EXOC4: variants seen among roughly 807,000 people sequenced by gnomAD.
EXOC4 encodes the protein SEC8-like 1.
A neutral mutation model predicts 107.2 loss-of-function variants in EXOC4; 71 were observed. The ratio of observed to expected loss-of-function variants is 0.66; its 90% CI spans 0.55 to 0.81. The LOEUF (loss-of-function observed/expected upper bound fraction) is 0.81, where lower values mean the gene tolerates loss of function less well. EXOC4 is among the 30% of genes least tolerant of loss of function. The pLI is 0.00. For synonymous variants in EXOC4, 456 were observed against 441.2 expected (o/e 1.03, Z -0.42); for missense variants, 1,108 against 1,189.6 (o/e 0.93, Z 1.01).
intron 11 of EXOC4, among the ~76,000 whole-genome samples, chr7:133,865,799 A>T (rs1234555434): frequency 6.6e-6 from 1 of 152,200 alleles, no homozygotes; most frequent in African/African-American, 2.4e-5. Context: ...TCACGAGAAC[A>T]TCAAGGGGGA....
rs1018465869 is a variant in EXOC4 at position 133,356,722 on chromosome 7, T to A, written c.1007+149T>A. On this transcript the variant is annotated intron_variant, in intron 6 of 17. Coordinates refer to ENST00000253861, the MANE Select transcript of EXOC4 (RefSeq NM_021807.4). ...CAGGCCAGGCGCAGTGGCTCACGCCTGTTATCCCAGCACTTTGGGAGGCTG... is the reference window on the plus strand; with the variant it reads ...CAGGCCAGGCGCAGTGGCTCACGCCAGTTATCCCAGCACTTTGGGAGGCTG... 4 of 917,518 alleles carry A rather than the reference T, an allele frequency of 4.4e-6. No homozygotes were observed. In the African/African-American group the frequency reaches 6.7e-5, roughly 15 times the overall value. The allele number at this position is 917,518 out of a possible 1,614,324, so 56.8% of individuals were successfully genotyped here.
At chr7:133,423,817 A>G (rs1269416379) in intron 7 of EXOC4, among the ~76,000 whole-genome samples, 1 of 151,996 alleles carries the variant, frequency 6.6e-6, no homozygotes, top group East Asian at 1.9e-4. Context: ...GGTGGGCACG[A>G]GCTCGGAGGG....
chr7:133,376,597 G>T (rs188089226), intron 7 of EXOC4, among the ~76,000 whole-genome samples: 29 of 152,252 alleles, frequency 1.9e-4, no homozygotes, highest in Non-Finnish European at 3.2e-4. Flanking sequence ...CAAACTATTA[G>T]CCCTTTGGTC....
At chr7:133,466,805 A>G (rs1256639829) in intron 7 of EXOC4, among the ~76,000 whole-genome samples, 3 of 152,218 alleles carry the variant, frequency 2.0e-5, no homozygotes, top group African/African-American at 7.2e-5. Flanking sequence ...TATAAACTGT[A>G]TTATACCATG....
chr7:133,624,086 C>G (rs1802395988), intron 9 of EXOC4, among the ~76,000 whole-genome samples: 1 of 152,022 alleles, frequency 6.6e-6, no homozygotes, highest in African/African-American at 2.4e-5. Flanking sequence ...AGTTATGAAG[C>G]AAAATATTTG....
intron 11 of EXOC4, among the ~76,000 whole-genome samples, chr7:133,846,855 C>T (rs918316675): frequency 6.6e-6 from 1 of 152,248 alleles, no homozygotes; most frequent in Non-Finnish European, 1.5e-5. Flanking sequence ...TGAGGTTTCA[C>T]ATGGGGCTTG....
intron 7 of EXOC4, among the ~76,000 whole-genome samples, chr7:133,451,532 CTGAATGA>C (rs1279788701): frequency 6.6e-6 from 1 of 151,708 alleles, no homozygotes; most frequent in Non-Finnish European, 1.5e-5. Flanking sequence ...TCTTGTATTC[CTGAATGA>C]ATTTTTTTCT....
At chr7:133,278,945 A>G (rs1250327706) in intron 2 of EXOC4, among the ~76,000 whole-genome samples, 5 of 151,954 alleles carry the variant, frequency 3.3e-5, no homozygotes, top group Non-Finnish European at 5.9e-5. Flanking sequence ...CATTAGGTAT[A>G]TATCCTAATG....
At chr7:133,545,451 G>C (rs970655825) in intron 9 of EXOC4, among the ~76,000 whole-genome samples, 1 of 152,130 alleles carries the variant, frequency 6.6e-6, no homozygotes, top group African/African-American at 2.4e-5. Context: ...ATACCTTATA[G>C]CTGATCAATA....
At position 133,810,091 on chromosome 7, in the gene EXOC4, T is replaced by A. The variant is rs371116057; in HGVS notation, c.1515-7234T>A. Reference sequence around the variant, plus strand: ...ATTAGTGATGCTGGCCGTCGAATTTTAAAAGCTTTTTAGGATATGAATGTA... The same window carrying A: ...ATTAGTGATGCTGGCCGTCGAATTTAAAAAGCTTTTTAGGATATGAATGTA... On this transcript the variant is annotated intron_variant, in intron 10 of 17. Transcript: ENST00000253861. 8.5e-4 allele frequency among the ~76,000 whole-genome samples: 130 copies of A among 152,106 alleles called. 1 individual carries two copies. Among genetic ancestry groups the A allele is most frequent in the African/African-American group, 3.0e-3 (125 of 41,500 alleles).
intron 9 of EXOC4, among the ~76,000 whole-genome samples, chr7:133,509,386 C>A (rs1372804505): frequency 1.3e-5 from 2 of 151,814 alleles, no homozygotes; most frequent in African/African-American, 4.8e-5. Context: ...CGAGATCACA[C>A]CACTGCACTC....
At chr7:133,379,104 G>A (rs754595322) in intron 7 of EXOC4, among the ~76,000 whole-genome samples, 5 of 152,016 alleles carry the variant, frequency 3.3e-5, no homozygotes. Context: ...TGTTCTTAAC[G>A]TTTTACCACT....
intron 9 of EXOC4, among the ~76,000 whole-genome samples, chr7:133,513,597 C>T (rs995139681): frequency 1.1e-4 from 16 of 152,042 alleles, no homozygotes; most frequent in African/African-American, 3.6e-4. Context: ...GTTCTTGGGT[C>T]TGATTTGTAT....
In EXOC4 at chr7:133,388,010, CA is replaced by C. The variant is rs146204953; in HGVS notation, c.1182+13018del. The stretch of plus-strand genomic sequence containing the variant: ...TTTTCTTAGAACATGTTACCAAAAA[CA>C]AAAAAAAAAGATTGAATACTTTTGG... On this transcript the variant is annotated intron_variant, in intron 7 of 17. Transcript: ENST00000253861. Among the ~76,000 whole-genome samples, 7 of 147,488 alleles carry C rather than the reference CA, an allele frequency of 4.7e-5. 1 individual carries two copies. The East Asian group carries it at 5.9e-4, about 12-fold the overall frequency.
At chr7:134,026,546 G>T (rs763522035) in intron 17 of EXOC4, among the ~76,000 whole-genome samples, 1 of 150,794 alleles carries the variant, frequency 6.6e-6, no homozygotes, top group Non-Finnish European at 1.5e-5. Context: ...AAACAAAAAC[G>T]AGATAATCCC....
chr7:133,674,212 T>TA (rs1157109984), intron 10 of EXOC4, among the ~76,000 whole-genome samples: 1 of 152,116 alleles, frequency 6.6e-6, no homozygotes, highest in Non-Finnish European at 1.5e-5. Flanking sequence ...CCAAAAGCAA[T>TA]TGCTCGAAAC....
intron 8 of EXOC4, 47 bp from the exon 9 acceptor site, chr7:133,480,003 T>C (rs1290309347): frequency 6.8e-7 from 1 of 1,472,826 alleles, no homozygotes; most frequent in Admixed American, 1.7e-5. Context: ...GGTCAGCACT[T>C]AATTGGTTTA....
intron 11 of EXOC4, among the ~76,000 whole-genome samples, chr7:133,872,441 C>T (rs540678067): frequency 2.6e-5 from 4 of 152,150 alleles, no homozygotes; most frequent in East Asian, 3.9e-4. Flanking sequence ...AAACGCAAGC[C>T]GGGAGCTGAA....
chr7:133,444,021 G>A (rs756116676), intron 7 of EXOC4, among the ~76,000 whole-genome samples: 9 of 152,156 alleles, frequency 5.9e-5, no homozygotes, highest in Non-Finnish European at 1.3e-4. Context: ...CTTGGGTCAG[G>A]AGACCTGTGT....
Sources: allele counts gnomAD v4.1 joint callset (sites outside exome capture counted in the v4.1 genomes callset), GRCh38; gene constraint gnomAD v4.1.1; transcripts MANE v1.5; gene names NCBI Gene and HGNC (gene_info 2026-07-23, HGNC 2026-07-21).